The following FBXO47 variants were observed in gnomAD, a reference collection of about 807,000 sequenced individuals.
The protein encoded by FBXO47 is F-box only protein 47.
In FBXO47, 34 loss-of-function variants were observed where a neutral mutation model predicts 53.9. The ratio of observed to expected loss-of-function variants is 0.63; its 90% CI spans 0.48 to 0.84. The LOEUF (loss-of-function observed/expected upper bound fraction) is 0.84. Among genes scored for constraint, FBXO47 ranks in the 40% least tolerant of loss-of-function variants. FBXO47 has a pLI of 0.00. For synonymous variants in FBXO47, 165 were observed against 181.6 expected (o/e 0.91, Z 0.73); for missense variants, 485 against 541.3 (o/e 0.90, Z 1.03).
intron 3 of FBXO47, among the ~76,000 whole-genome samples, chr17:38,961,040 T>G (rs1471628345): frequency 6.6e-6 from 1 of 152,220 alleles, no homozygotes; most frequent in Non-Finnish European, 1.5e-5. Context: ...TGTAATCAGA[T>G]CAGATACTTT....
intron 8 of FBXO47, 82 bp downstream of exon 8, chr17:38,943,508 C>G (rs1904601791): frequency 4.7e-6 from 4 of 855,862 alleles, no homozygotes; most frequent in Non-Finnish European, 5.1e-6. Context: ...CATTTGTTAC[C>G]TGTAGAATTA....
At chr17:38,939,549 C>T (rs943839646) in intron 9 of FBXO47, among the ~76,000 whole-genome samples, 1 of 148,986 alleles carries the variant, frequency 6.7e-6, no homozygotes, top group Non-Finnish European at 1.5e-5. Flanking sequence ...GTCGACTTTC[C>T]ATCTTGAGAA....
chr17:38,950,095 T>C (rs1047276419), intron 6 of FBXO47, among the ~76,000 whole-genome samples: 7 of 152,160 alleles, frequency 4.6e-5, no homozygotes, highest in African/African-American at 1.7e-4. Flanking sequence ...ATTTACACTG[T>C]TGTTCAACCA....
At chr17:38,962,664 T>C (rs962906738) in intron 2 of FBXO47, among the ~76,000 whole-genome samples, 181 bp downstream of exon 2, 1 of 149,684 alleles carries the variant, frequency 6.7e-6, no homozygotes, top group Non-Finnish European at 1.5e-5. Context: ...TATTTAAGTA[T>C]TGTGCTTTCT....
At chr17:38,945,410 C>A (rs1402900440) in intron 6 of FBXO47, among the ~76,000 whole-genome samples, 1 of 152,064 alleles carries the variant, frequency 6.6e-6, no homozygotes, top group East Asian at 1.9e-4. Flanking sequence ...GACTCTTGTA[C>A]AATTTTGGAT....
chr17:38,951,824 A>G (rs1290630174), intron 5 of FBXO47, 135 bp from the exon 6 acceptor site: 1 of 584,560 alleles, frequency 1.7e-6, no homozygotes, highest in Non-Finnish European at 3.0e-6. Flanking sequence ...TGCAGTCAGG[A>G]GTTTGAGACC....
intron 6 of FBXO47, among the ~76,000 whole-genome samples, chr17:38,950,503 T>A (rs1905219711): frequency 6.7e-6 from 1 of 148,716 alleles, no homozygotes; most frequent in African/African-American, 2.5e-5. Context: ...TCTTGCTATG[T>A]CGCCCAGGCT....
At chr17:38,961,600 C>T (rs1003592097) in intron 3 of FBXO47, among the ~76,000 whole-genome samples, 1 of 152,144 alleles carries the variant, frequency 6.6e-6, no homozygotes, top group African/African-American at 2.4e-5. Flanking sequence ...GAAAATACAT[C>T]AATTTCCTAA....
At chr17:38,959,599 A>AG (rs1444328948) in intron 3 of FBXO47, among the ~76,000 whole-genome samples, 78 of 150,140 alleles carry the variant, frequency 5.2e-4, no homozygotes, top group Non-Finnish European at 5.5e-4. Context: ...AAAAAAAAAA[A>AG]AAAAGAAAAT....
At chr17:38,948,802 C>T (rs948571503) in intron 6 of FBXO47, among the ~76,000 whole-genome samples, 4 of 151,896 alleles carry the variant, frequency 2.6e-5, no homozygotes, top group African/African-American at 7.3e-5. Context: ...ATGGGCAGAA[C>T]GTGCAGGTTT....
At chr17:38,946,602 G>A (rs182876181) in intron 6 of FBXO47, among the ~76,000 whole-genome samples, 37 of 31,198 alleles carry the variant, frequency 1.2e-3, no homozygotes, top group East Asian at 3.1e-3. Flanking sequence ...ATAAATATAT[G>A]AATATATATA....
chr17:38,939,828 C>T (rs1456806747), intron 9 of FBXO47, among the ~76,000 whole-genome samples: 2 of 149,990 alleles, frequency 1.3e-5, no homozygotes, highest in East Asian at 1.9e-4. Context: ...CCACCGCGCC[C>T]GGCTAATTTT....
intron 9 of FBXO47, among the ~76,000 whole-genome samples, chr17:38,942,095 A>G (rs947713255): frequency 2.6e-5 from 4 of 151,916 alleles, no homozygotes; most frequent in African/African-American, 9.7e-5. Flanking sequence ...TCTTATTTCA[A>G]CTCTATCTCC....
At chr17:38,953,125 CCACACA>C (rs768926649) in intron 5 of FBXO47, among the ~76,000 whole-genome samples, 3,296 of 117,848 alleles carry the variant, frequency 0.028, 47 homozygotes, top group Middle Eastern at 0.05. Flanking sequence ...AAAAAAAAAA[CCACACA>C]CACACACACA....
At chr17:38,960,187 T>C (rs941070252) in intron 3 of FBXO47, among the ~76,000 whole-genome samples, 4 of 151,720 alleles carry the variant, frequency 2.6e-5, no homozygotes, top group African/African-American at 7.3e-5. Context: ...TAGTTTCAGA[T>C]ACTCAGGAGG....
intron 1 of FBXO47, among the ~76,000 whole-genome samples, chr17:38,965,268 C>T (rs1906045902): frequency 6.6e-6 from 1 of 152,188 alleles, no homozygotes; most frequent in Admixed American, 6.5e-5. Flanking sequence ...ATAATTACAA[C>T]TCCAATCGAA....
chr17:38,938,632 T>C lies in FBXO47; in HGVS notation c.1184A>G (p.Gln395Arg). 6.2e-7 allele frequency: 1 copy of C among 1,613,878 alleles called. No homozygotes were observed. The highest frequency in any genetic ancestry group is 8.5e-7 in the Non-Finnish European group (1 of 1,179,874). Residue 395 changes from glutamine (Q) to arginine (R), a missense_variant, in exon 10 of 11, where the codon CAG becomes CGG. By Grantham distance (43) the Gln-to-Arg change is conservative. Coordinates refer to ENST00000378079, the MANE Select transcript of FBXO47 (RefSeq NM_001008777.3). Reference protein sequence around the residue: ...STPVERKNFLQNVANAFACVI... With the variant: ...STPVERKNFLRNVANAFACVI... ...ACATGCAAATGCATTTGCCACATTC[T>C]GCAGGAAGTTCTTTCTTTCCACTGG...
Position 38,967,281 on chromosome 17 carries a change from G to T in FBXO47, c.-79C>A. 6.6e-6 allele frequency: 1 copy of T among 152,180 alleles called. No homozygotes were observed. The highest frequency in any genetic ancestry group is 1.9e-4 in the East Asian group (1 of 5,192). The allele number at this position is 152,180 out of a possible 1,614,324, so 9.4% of individuals were successfully genotyped here. On this transcript the variant is annotated 5_prime_UTR_variant, in exon 1 of 11. Transcript: ENST00000378079. ...CAGAGTCACAGGAAAGTGGGAGTTAGTCGTTTTGCCCCACCATCCTCAAAT... is the reference window on the plus strand; with the variant it reads ...CAGAGTCACAGGAAAGTGGGAGTTATTCGTTTTGCCCCACCATCCTCAAAT...
Position 38,967,326 on chromosome 17 carries a change from A to C in FBXO47, c.-124T>G, listed in dbSNP as rs1334352877. ...TCAAATTTCTTAGTGTTTAGAAAAG[A>C]AAATATCTCCTCAAGAGCTTCCCGC... On this transcript the variant is annotated 5_prime_UTR_variant, in exon 1 of 11. Coordinates refer to ENST00000378079, the MANE Select transcript of FBXO47 (RefSeq NM_001008777.3). 2 of 152,178 alleles carry C rather than the reference A, an allele frequency of 1.3e-5. No individual in the cohort carries two copies. The highest frequency in any genetic ancestry group is 2.9e-5 in the Non-Finnish European group (2 of 68,038). The allele number at this position is 152,178 out of a possible 1,614,324, so 9.4% of individuals were successfully genotyped here.
Sources: gnomAD v4.1 joint callset for allele counts (sites outside exome capture counted in the v4.1 genomes callset) on GRCh38, gnomAD v4.1.1 for gene constraint, MANE v1.5 for transcripts, NCBI Gene and HGNC (gene_info 2026-07-23, HGNC 2026-07-21) for gene names.